The following KIAA0040 variants were observed in gnomAD, a reference collection of about 807,000 sequenced individuals.
KIAA0040 encodes KIAA0040.
In KIAA0040, 10 loss-of-function variants were observed where a neutral mutation model predicts 7.2. The observed-to-expected ratio is 1.38, with a 90% CI of 0.85 to 2.34. The LOEUF is 2.34. Among genes scored for constraint, KIAA0040 ranks in the 30% most tolerant of loss-of-function variants. The pLI is 0.00. For missense variants in KIAA0040, 89 were observed against 108.2 expected (o/e 0.82, Z 0.79); for synonymous variants, 49 against 40.1 (o/e 1.22, Z -0.84).
At chr1:175,175,943 G>A (rs1215498815) in intron 2 of KIAA0040, among the ~76,000 whole-genome samples, 1 of 152,168 alleles carries the variant, frequency 6.6e-6, no homozygotes, top group Admixed American at 6.5e-5. Flanking sequence ...GTTAATGGGT[G>A]CAGCACATCA....
rs182064820 is a variant in KIAA0040, at chr1:175,182,050, T to C, written c.-383-4366A>G. 4.8e-3 allele frequency among the ~76,000 whole-genome samples: 724 copies of C among 152,318 alleles called. 6 individuals are homozygous for C. The highest frequency in any genetic ancestry group is 0.016 in the African/African-American group (681 of 41,564). ...CCACTCCAGCCCCTGATGGGGATTTTTCAAGGTTCTGGCCGTAGGAGGAGG... is the reference window on the plus strand; with the variant it reads ...CCACTCCAGCCCCTGATGGGGATTTCTCAAGGTTCTGGCCGTAGGAGGAGG... On this transcript the variant is annotated intron_variant, in intron 1 of 3. Coordinates refer to ENST00000423313, the MANE Select transcript of KIAA0040 (RefSeq NM_014656.3).
At chr1:175,171,269 C>T (rs1447452954) in intron 2 of KIAA0040, among the ~76,000 whole-genome samples, 1 of 152,198 alleles carries the variant, frequency 6.6e-6, no homozygotes, top group African/African-American at 2.4e-5. Flanking sequence ...TGAAATTTCT[C>T]AGTCACTTAC....
At position 175,158,936 on chromosome 1, in the gene KIAA0040, C is replaced by T. The variant is rs1438975771; in HGVS notation, c.*1778G>A. On this transcript the variant is annotated 3_prime_UTR_variant, in exon 4 of 4. Coordinates refer to ENST00000423313, the MANE Select transcript of KIAA0040 (RefSeq NM_014656.3). ...ACCTGGAGGGCAGGTGAGTACCAAGCAGCCCAAGTGAGCAAATAGAATATA... is the reference window on the plus strand; with the variant it reads ...ACCTGGAGGGCAGGTGAGTACCAAGTAGCCCAAGTGAGCAAATAGAATATA... The T allele has an allele frequency of 6.6e-6, 1 of 152,230 alleles. No homozygotes were observed. The highest frequency in any genetic ancestry group is 1.5e-5 in the Non-Finnish European group (1 of 68,040). The allele number at this position is 152,230 out of a possible 1,614,324, so 9.4% of individuals were successfully genotyped here. A position where few individuals can be genotyped will look rare whatever the true frequency, so the allele number is the denominator to read the frequency against.
intron 1 of KIAA0040, among the ~76,000 whole-genome samples, chr1:175,182,126 G>A (rs555063251): frequency 6.6e-5 from 10 of 152,204 alleles, no homozygotes; most frequent in Non-Finnish European, 1.5e-4. Context: ...TATGACTTGA[G>A]TGTCCGGGGA....
intron 1 of KIAA0040, among the ~76,000 whole-genome samples, chr1:175,180,619 G>C (rs978569883): frequency 2.0e-5 from 3 of 152,194 alleles, no homozygotes; most frequent in African/African-American, 7.2e-5. Context: ...CTCCTGAGTA[G>C]ATCTCTTTTG....
chr1:175,160,997 G>A lies in KIAA0040; in HGVS notation c.17C>T (p.Ala6Val), dbSNP rs745551249. The A allele has an allele frequency of 1.9e-5, 30 of 1,550,758 alleles. No individual in the cohort carries two copies. The highest frequency in any genetic ancestry group is 1.9e-4 in the African/African-American group (14 of 73,010). The change falls in exon 4 of 4, where the codon GCC becomes GTC. Residue 6 changes from alanine (A) to valine (V), a missense_variant. Coordinates refer to ENST00000423313, the MANE Select transcript of KIAA0040 (RefSeq NM_014656.3). The stretch of plus-strand genomic sequence containing the variant: ...GGTGTCCCAGATAGAGCTGAAGAAG[G>A]CACTGATTCTCTCCATGGTGCTTGG... MERIS[A>V]FFSSIWDTIL...
chr1:175,161,044 C>G lies in KIAA0040; in HGVS notation c.-31G>C. The G allele has an allele frequency of 2.0e-6, 3 of 1,524,594 alleles. No individual in the cohort carries two copies. Among genetic ancestry groups the G allele is most frequent in the Non-Finnish European group, 2.6e-6 (3 of 1,133,546 alleles). The allele number at this position is 1,524,594 out of a possible 1,614,324, so 94.4% of individuals were successfully genotyped here. ...TTGGCTAGATTAGGGCCAGAGAACC[C>G]TCTCGGCTTACAAGCAGGTCCTGGG... On this transcript the variant is annotated 5_prime_UTR_variant, in exon 4 of 4. Transcript: ENST00000423313.
chr1:175,166,964 G>A (rs1182809298), intron 2 of KIAA0040, among the ~76,000 whole-genome samples: 1 of 152,194 alleles, frequency 6.6e-6, no homozygotes, highest in Non-Finnish European at 1.5e-5. Context: ...TTTGTACCCA[G>A]GACAAGCAAA....
At chr1:175,181,241 G>A (rs371315119) in intron 1 of KIAA0040, among the ~76,000 whole-genome samples, 43 of 152,104 alleles carry the variant, frequency 2.8e-4, no homozygotes, top group Non-Finnish European at 4.7e-4. Context: ...TGTGGGGGGC[G>A]GGGGGCTGGC....
At position 175,160,975 on chromosome 1, in the gene KIAA0040, G is replaced by T; in HGVS notation, c.39C>A (p.Asp13Glu). The change falls in exon 4 of 4, where the codon GAC (aspartate) becomes GAA (glutamate). Residue 13 changes from aspartate to glutamate, a missense_variant. Coordinates refer to ENST00000423313, the MANE Select transcript of KIAA0040 (RefSeq NM_014656.3). ...RISAFFSSIW[D>E]TILTKHQEGI... Reference sequence around the variant, plus strand: ...CTTCTTGGTGTTTGGTCAAGATGGTGTCCCAGATAGAGCTGAAGAAGGCAC... The same window carrying T: ...CTTCTTGGTGTTTGGTCAAGATGGTTTCCCAGATAGAGCTGAAGAAGGCAC... The T allele has an allele frequency of 6.4e-7, 1 of 1,551,466 alleles. No individual in the cohort carries two copies. The highest frequency in any genetic ancestry group is 8.7e-7 in the Non-Finnish European group (1 of 1,146,976).
Position 175,157,286 on chromosome 1 carries a change from T to A in KIAA0040, c.*3428A>T, listed in dbSNP as rs1676312057. On this transcript the variant is annotated 3_prime_UTR_variant, in exon 4 of 4. Coordinates refer to ENST00000423313, the MANE Select transcript of KIAA0040 (RefSeq NM_014656.3). ...TGTAAGTGTTGCCAAGGAACATCAG[T>A]ATATTTTTCCTGTAGCTGGCACCTT... 1 of 152,140 alleles carries A rather than the reference T, an allele frequency of 6.6e-6. No homozygotes were observed. The highest frequency in any genetic ancestry group is 1.5e-5 in the Non-Finnish European group (1 of 68,016). The allele number at this position is 152,140 out of a possible 1,614,324, so 9.4% of individuals were successfully genotyped here. A position where few individuals can be genotyped will look rare whatever the true frequency, so the allele number is the denominator to read the frequency against.
rs1676298891 is a variant in KIAA0040 at position 175,157,084 on chromosome 1, C to A, written c.*3630G>T. 1 of 152,058 alleles carries A rather than the reference C, an allele frequency of 6.6e-6. No individual in the cohort carries two copies. Among genetic ancestry groups the A allele is most frequent in the Admixed American group, 6.6e-5 (1 of 15,260 alleles). 9.4% of individuals were successfully genotyped at this position (152,058 alleles called of 1,614,324 possible). A position where few individuals can be genotyped will look rare whatever the true frequency, so the allele number is the denominator to read the frequency against. On this transcript the variant is annotated 3_prime_UTR_variant, in exon 4 of 4. Coordinates refer to ENST00000423313, the MANE Select transcript of KIAA0040 (RefSeq NM_014656.3). ...TGAACCATATTGAACAGTGTACACA[C>A]ACTTACACACACACATACACACAGT...
intron 1 of KIAA0040, among the ~76,000 whole-genome samples, chr1:175,188,033 C>T (rs1301905876): frequency 1.3e-5 from 2 of 152,206 alleles, no homozygotes; most frequent in Admixed American, 6.5e-5. Context: ...AAGGGCATGT[C>T]TGCAGTGGCT....
chr1:175,184,465 GC>G (rs768624806), intron 1 of KIAA0040, among the ~76,000 whole-genome samples: 4 of 152,164 alleles, frequency 2.6e-5, no homozygotes, highest in Non-Finnish European at 5.9e-5. Flanking sequence ...ACAGAGGACA[GC>G]CAAAGCCATT....
intron 2 of KIAA0040, among the ~76,000 whole-genome samples, chr1:175,167,632 G>T (rs28650237): frequency 6.6e-6 from 1 of 152,172 alleles, no homozygotes; most frequent in Non-Finnish European, 1.5e-5. Flanking sequence ...TCTCTCTGAC[G>T]TGTGAGAGGA....
Position 175,157,512 on chromosome 1 carries a change from A to G in KIAA0040, c.*3202T>C, listed in dbSNP as rs1200146837. The G allele has an allele frequency of 6.6e-6, 1 of 152,224 alleles. No homozygotes were observed. The highest frequency in any genetic ancestry group is 1.9e-4 in the East Asian group (1 of 5,202). 9.4% of individuals were successfully genotyped at this position (152,224 alleles called of 1,614,324 possible). A position where few individuals can be genotyped will look rare whatever the true frequency, so the allele number is the denominator to read the frequency against. On this transcript the variant is annotated 3_prime_UTR_variant, in exon 4 of 4. Coordinates refer to ENST00000423313, the MANE Select transcript of KIAA0040 (RefSeq NM_014656.3). ...GGGTAATACCTAATGTTAAGAGAGTAACCATCTGACTACATCAAGACTTTT... is the reference window on the plus strand; with the variant it reads ...GGGTAATACCTAATGTTAAGAGAGTGACCATCTGACTACATCAAGACTTTT...
At chr1:175,167,780 C>T (rs1172627542) in intron 2 of KIAA0040, among the ~76,000 whole-genome samples, 1 of 152,090 alleles carries the variant, frequency 6.6e-6, no homozygotes, top group Non-Finnish European at 1.5e-5. Flanking sequence ...GGTGGGAGAA[C>T]TCTCAGGCAG....
chr1:175,190,888 CCCT>C, intron 1 of KIAA0040, among the ~76,000 whole-genome samples: 1 of 152,196 alleles, frequency 6.6e-6, no homozygotes, highest in Non-Finnish European at 1.5e-5. Context: ...ACACGCTATT[CCCT>C]ACCTGCCATT....
chr1:175,163,919 C>T (rs909315289), intron 3 of KIAA0040, among the ~76,000 whole-genome samples: 1 of 152,106 alleles, frequency 6.6e-6, no homozygotes, highest in Non-Finnish European at 1.5e-5. Context: ...GGTGGAGCCA[C>T]CTGGGGGACG....
Sources: allele counts gnomAD v4.1 joint callset (sites outside exome capture counted in the v4.1 genomes callset), GRCh38; gene constraint gnomAD v4.1.1; transcripts MANE v1.5; gene names NCBI Gene and HGNC (gene_info 2026-07-23, HGNC 2026-07-21).